The following BEND7 variants were observed in gnomAD, a reference collection of about 807,000 sequenced individuals.
BEND7 encodes BEN domain containing 7.
Under a neutral mutation model 50.9 loss-of-function variants are expected in BEND7, and 28 were observed. That is an observed-to-expected ratio of 0.55 (90% CI 0.41 to 0.75). BEND7 has a LOEUF of 0.75. Among genes scored for constraint, BEND7 ranks in the 30% least tolerant of loss-of-function variants. BEND7 has a pLI of 0.00. For missense variants in BEND7, 477 were observed against 491.3 expected (o/e 0.97, Z 0.28); for synonymous variants, 170 against 183.9 (o/e 0.92, Z 0.61).
chr10:13,439,519 G>A (rs757250254), downstream of BEND7: 2 of 1,548,052 alleles, frequency 1.3e-6, no homozygotes, highest in Non-Finnish European at 1.7e-6. Context: ...ATGAATGAGT[G>A]AATGAATGAA....
At chr10:13,501,827 T>C (rs1011868085) in intron 2 of BEND7, among the ~76,000 whole-genome samples, 3 of 145,186 alleles carry the variant, frequency 2.1e-5, no homozygotes, top group African/African-American at 7.7e-5. Flanking sequence ...GCCTGGGTGA[T>C]AGTGGCAGAC....
At chr10:13,483,649 C>T (rs964901214) in intron 5 of BEND7, among the ~76,000 whole-genome samples, 1 of 152,138 alleles carries the variant, frequency 6.6e-6, no homozygotes. Flanking sequence ...GAACAGTGAC[C>T]CAGCTGTTTC....
intron 6 of BEND7, among the ~76,000 whole-genome samples, chr10:13,468,496 A>G (rs777407116): frequency 6.6e-6 from 1 of 152,308 alleles, no homozygotes; most frequent in Non-Finnish European, 1.5e-5. Flanking sequence ...AGTCTTGGAA[A>G]AGGCCAGAGT....
At chr10:13,453,108 C>T (rs965835833) in intron 6 of BEND7, among the ~76,000 whole-genome samples, 3 of 152,198 alleles carry the variant, frequency 2.0e-5, no homozygotes, top group African/African-American at 7.2e-5. Context: ...TCAATCACTA[C>T]TCAAATAATA....
intron 6 of BEND7, among the ~76,000 whole-genome samples, chr10:13,479,938 C>T (rs2075737204): frequency 6.6e-6 from 1 of 152,142 alleles, no homozygotes; most frequent in South Asian, 2.1e-4. Context: ...ACTCATTTTG[C>T]CAGATAATGG....
chr10:13,450,957 G>A (rs1837539643), intron 7 of BEND7, among the ~76,000 whole-genome samples: 1 of 152,080 alleles, frequency 6.6e-6, no homozygotes, highest in Non-Finnish European at 1.5e-5. Flanking sequence ...CATCCCTACT[G>A]CATGCGTGCC....
At chr10:13,493,288 G>GT (rs1409784665) in intron 4 of BEND7, among the ~76,000 whole-genome samples, 3 of 152,176 alleles carry the variant, frequency 2.0e-5, no homozygotes, top group African/African-American at 7.2e-5. Flanking sequence ...TACATTTGGG[G>GT]TTAGACTGAT....
At position 13,448,394 on chromosome 10, in the gene BEND7, C is replaced by T. The variant is rs145870402; in HGVS notation, c.1184-1078G>A. Among the ~76,000 whole-genome samples the T allele has an allele frequency of 3.7e-3, 562 of 152,238 alleles. 1 individual carries two copies. Among genetic ancestry groups the T allele is most frequent in the African/African-American group, 0.01 (434 of 41,544 alleles). On this transcript the variant is annotated intron_variant, in intron 7 of 8. Coordinates refer to ENST00000466271, the MANE Select transcript of BEND7 (RefSeq NM_001369863.1). ...AGGCCCCTGCTGACTGCATAATGTG[C>T]GTGGGCAGCCCTTGTGAGGCTGTTG...
chr10:13,526,457 T>C (rs2079465502), intron 1 of BEND7, among the ~76,000 whole-genome samples: 1 of 152,238 alleles, frequency 6.6e-6, no homozygotes, highest in Non-Finnish European at 1.5e-5. Flanking sequence ...CTTTGCTTGA[T>C]CACACCATGT....
At chr10:13,508,508 A>G (rs1370090527) in intron 2 of BEND7, among the ~76,000 whole-genome samples, 1 of 152,240 alleles carries the variant, frequency 6.6e-6, no homozygotes, top group Non-Finnish European at 1.5e-5. Flanking sequence ...AAAAGTGGCC[A>G]TAGAATCATT....
intron 2 of BEND7, among the ~76,000 whole-genome samples, chr10:13,522,082 A>G (rs530069950): frequency 3.9e-5 from 6 of 152,212 alleles, no homozygotes; most frequent in South Asian, 4.2e-4. Context: ...AATATTAAAA[A>G]GAATAACTAG....
intron 2 of BEND7, among the ~76,000 whole-genome samples, chr10:13,501,289 C>T (rs926059260): frequency 2.7e-5 from 4 of 150,878 alleles, no homozygotes; most frequent in African/African-American, 7.3e-5. Context: ...CAGGAGAACC[C>T]GGCTCACCCA....
intron 2 of BEND7, among the ~76,000 whole-genome samples, chr10:13,509,821 A>G (rs1278894158): frequency 6.6e-6 from 1 of 152,188 alleles, no homozygotes; most frequent in Non-Finnish European, 1.5e-5. Flanking sequence ...AAGGACCCTG[A>G]CACTTTGACT....
intron 6 of BEND7, among the ~76,000 whole-genome samples, chr10:13,475,707 C>CA (rs5783326): frequency 0.67 from 101,663 of 152,088 alleles, 34,330 homozygotes; most frequent in East Asian, 0.86. Flanking sequence ...ATAAAGAATC[C>CA]AAATGCTAGA....
chr10:13,476,605 T>C (rs935269371), intron 6 of BEND7, among the ~76,000 whole-genome samples: 2 of 152,192 alleles, frequency 1.3e-5, no homozygotes, highest in Non-Finnish European at 2.9e-5. Flanking sequence ...CATTCAGGGA[T>C]TCAAAGATTC....
chr10:13,505,198 G>A (rs373626578), intron 2 of BEND7, among the ~76,000 whole-genome samples: 7 of 152,286 alleles, frequency 4.6e-5, no homozygotes, highest in East Asian at 1.9e-4. Context: ...CTGCACTCCC[G>A]GTTCCTCAGT....
intron 2 of BEND7, among the ~76,000 whole-genome samples, chr10:13,513,578 T>C (rs79260258): frequency 6.6e-6 from 1 of 152,312 alleles, no homozygotes; most frequent in African/African-American, 2.4e-5. Flanking sequence ...TCCTGCTTCT[T>C]GTAACTTCTA....
chr10:13,465,416 G>A (rs980048006), intron 6 of BEND7, among the ~76,000 whole-genome samples: 10 of 152,152 alleles, frequency 6.6e-5, no homozygotes, highest in African/African-American at 1.4e-4. Context: ...GCCGGCATGC[G>A]GGGCAGTCAG....
At chr10:13,516,708 C>T (rs2078701002) in intron 2 of BEND7, among the ~76,000 whole-genome samples, 1 of 151,998 alleles carries the variant, frequency 6.6e-6, no homozygotes, top group South Asian at 2.1e-4. Context: ...TTGGGTGACA[C>T]AGCGAGACTC....
Sources: allele counts gnomAD v4.1 joint callset (sites outside exome capture counted in the v4.1 genomes callset), GRCh38; gene constraint gnomAD v4.1.1; transcripts MANE v1.5; gene names NCBI Gene and HGNC (gene_info 2026-07-23, HGNC 2026-07-21).